Variants in SRP54 observed in about 807,000 individuals in gnomAD.
SRP54 encodes signal recognition particle subunit SRP54.
Under a neutral mutation model 64.8 loss-of-function variants are expected in SRP54, and 10 were observed. That is an observed-to-expected ratio of 0.15 (90% CI 0.10 to 0.26). SRP54 has a LOEUF of 0.26. Among genes scored for constraint, SRP54 ranks in the 10% least tolerant of loss-of-function variants. The probability of loss-of-function intolerance (pLI) is 1.00; values close to 1 mark genes in which losing one functional copy is unlikely to be tolerated. For missense variants in SRP54, 325 were observed against 613.7 expected (o/e 0.53, Z 4.97); for synonymous variants, 193 against 185.6 (o/e 1.04, Z -0.32).
At chr14:35,023,256 T>TA (rs146885176) in intron 14 of SRP54, among the ~76,000 whole-genome samples, 176 bp downstream of exon 14, 23 of 150,810 alleles carry the variant, frequency 1.5e-4, no homozygotes, top group African/African-American at 4.1e-4. Context: ...TATTAATATT[T>TA]AAAAAAAAAC....
At chr14:34,998,973 A>ATGTGTGTGTGTGTG (rs34646567) in intron 2 of SRP54, among the ~76,000 whole-genome samples, 4 of 63,658 alleles carry the variant, frequency 6.3e-5, no homozygotes, top group Non-Finnish European at 1.5e-4. Context: ...CTTTGTGTGT[A>ATGTGTGTGTGTGTG]TGTGTGTGTG....
chr14:35,007,770 T>C (rs72474105), intron 5 of SRP54, among the ~76,000 whole-genome samples: 28,406 of 101,980 alleles, frequency 0.28, 7,673 homozygotes, highest in East Asian at 0.7. Context: ...TTTATTAAAA[T>C]ATATTTACAT....
chr14:35,003,373 T>A (rs528533904), intron 4 of SRP54, among the ~76,000 whole-genome samples: 2 of 128,490 alleles, frequency 1.6e-5, no homozygotes, highest in East Asian at 7.6e-4. Flanking sequence ...GTTTCTGGAC[T>A]CTCTATTTAT....
Position 35,022,942 on chromosome 14 carries a change from A to C in SRP54, c.1189A>C (p.Ser397Arg). Residue 397 changes from serine (S) to arginine (R), a missense_variant, in exon 14 of 16, where the codon AGT becomes CGT. By Grantham distance (110) the Ser-to-Arg change is moderately radical. Around this residue, in one of 3 missense-constraint regions of SRP54, gnomAD observed 146 missense variants for 337.4 expected, o/e 0.43. Coordinates refer to ENST00000216774, the MANE Select transcript of SRP54 (RefSeq NM_003136.4). ...LDSTDGAKVF[S>R]KQPGRIQRVA... is the part of the protein sequence containing the mutation. ...CAGTACGGATGGTGCCAAAGTTTTT[A>C]GTAAACAACCAGGAAGAATCCAAAG... 1 of 1,613,938 alleles carries C rather than the reference A, an allele frequency of 6.2e-7. No homozygotes were observed. Among genetic ancestry groups the C allele is most frequent in the Non-Finnish European group, 8.5e-7 (1 of 1,179,932 alleles).
chr14:35,019,814 C>T (rs984702897), intron 13 of SRP54, among the ~76,000 whole-genome samples: 4 of 152,198 alleles, frequency 2.6e-5, no homozygotes. Flanking sequence ...TTTACAAATA[C>T]ATATACTGTA....
At chr14:35,010,861 C>T (rs2044345845) in intron 7 of SRP54, among the ~76,000 whole-genome samples, 2 of 152,144 alleles carry the variant, frequency 1.3e-5, no homozygotes, top group African/African-American at 4.8e-5. Context: ...ATACAGCCAT[C>T]TGATAGAATG....
intron 13 of SRP54, among the ~76,000 whole-genome samples, chr14:35,020,872 T>A (rs2044518271): frequency 6.6e-6 from 1 of 152,180 alleles, no homozygotes; most frequent in Non-Finnish European, 1.5e-5. Flanking sequence ...ACAGGGAAGT[T>A]GAGTAATTTG....
chr14:35,022,841 C>T, intron 13 of SRP54, 69 bp from the exon 14 acceptor site: 1 of 1,290,068 alleles, frequency 7.8e-7, no homozygotes, highest in Admixed American at 2.5e-5. Flanking sequence ...TTATATATTG[C>T]CCATTTGCAC....
chr14:34,998,534 G>A (rs2044105536), intron 2 of SRP54, among the ~76,000 whole-genome samples: 1 of 152,008 alleles, frequency 6.6e-6, no homozygotes, highest in South Asian at 2.1e-4. Flanking sequence ...ATATTAAGCC[G>A]GGTGTGGTAG....
chr14:35,000,766 CTT>C, intron 3 of SRP54, among the ~76,000 whole-genome samples, 168 bp from the exon 4 acceptor site: 1 of 152,248 alleles, frequency 6.6e-6, no homozygotes, highest in South Asian at 2.1e-4. Context: ...TGGGAAAACT[CTT>C]TATGATATAG....
At chr14:35,013,706 A>G (rs993640974) in intron 9 of SRP54, 96 bp from the exon 10 acceptor site, 11 of 1,181,276 alleles carry the variant, frequency 9.3e-6, no homozygotes, top group Non-Finnish European at 1.2e-5. Flanking sequence ...ACCTTTGTCT[A>G]ATTAGCTTTG....
intron 14 of SRP54, among the ~76,000 whole-genome samples, chr14:35,027,007 A>C (rs1269887289): frequency 6.6e-6 from 1 of 150,382 alleles, no homozygotes; most frequent in Admixed American, 6.7e-5. Context: ...TCTCAGACTC[A>C]TACTTTACTT....
At chr14:34,986,875 C>CA (rs544431921) in intron 1 of SRP54, among the ~76,000 whole-genome samples, 103 of 129,254 alleles carry the variant, frequency 8.0e-4, no homozygotes, top group Admixed American at 1.7e-3. Flanking sequence ...GACTCTGTCT[C>CA]AAAAAAAAAA....
chr14:35,018,466 C>T (rs546806948), intron 11 of SRP54, among the ~76,000 whole-genome samples: 1 of 152,242 alleles, frequency 6.6e-6, no homozygotes, highest in East Asian at 1.9e-4. Context: ...TATGTGTCTT[C>T]TCAGATAGAA....
At chr14:34,984,126 T>C (rs2043854992) in intron 1 of SRP54, among the ~76,000 whole-genome samples, 1 of 152,202 alleles carries the variant, frequency 6.6e-6, no homozygotes, top group Non-Finnish European at 1.5e-5. Context: ...AGTTTTTTGA[T>C]ATGGCCAACT....
intron 3 of SRP54, among the ~76,000 whole-genome samples, chr14:35,000,441 C>T (rs2044151459): frequency 6.6e-6 from 1 of 151,930 alleles, no homozygotes. Context: ...GTGGCACACG[C>T]CTGTAATCCC....
intron 3 of SRP54, 93 bp downstream of exon 3, chr14:34,999,742 C>G: frequency 1.1e-6 from 1 of 887,074 alleles, no homozygotes; most frequent in Non-Finnish European, 1.8e-6. Context: ...TATCAGGAAT[C>G]ATTTCTGCTC....
chr14:35,020,584 T>G (rs1345159297), intron 13 of SRP54, among the ~76,000 whole-genome samples: 1 of 152,216 alleles, frequency 6.6e-6, no homozygotes, highest in Non-Finnish European at 1.5e-5. Flanking sequence ...TCTGATTTAT[T>G]GTTATTTTTT....
At position 35,013,359 on chromosome 14, in the gene SRP54, T is replaced by C. The variant is rs760322837; in HGVS notation, c.650T>C (p.Ile217Thr). ...QVANAIQPDN[I>T]VYVMDASIGQ... ...TAAACTTTCTAGCAACCTGATAACA[T>C]TGTTTATGTGATGGATGCCTCCATT... Residue 217 changes from isoleucine (I) to threonine (T), a missense_variant, in exon 9 of 16, where the codon ATT (isoleucine) becomes ACT (threonine). Around this residue, in one of 3 missense-constraint regions of SRP54, gnomAD observed 156 missense variants for 254.6 expected, o/e 0.61. Transcript: ENST00000216774. 3 of 1,613,404 alleles carry C rather than the reference T, an allele frequency of 1.9e-6. No homozygotes were observed. The highest frequency in any genetic ancestry group is 2.5e-6 in the Non-Finnish European group (3 of 1,179,796).
Sources: allele counts gnomAD v4.1 joint callset (sites outside exome capture counted in the v4.1 genomes callset), GRCh38; gene constraint gnomAD v4.1.1; regional missense constraint gnomAD v4.1.1; transcripts MANE v1.5; gene names NCBI Gene and HGNC (gene_info 2026-07-23, HGNC 2026-07-21).